Variants in ZNF486 observed in about 807,000 individuals in gnomAD.
ZNF486 encodes the protein zinc finger protein 486.
In ZNF486, 12 loss-of-function variants were observed where a neutral mutation model predicts 12.8. That is an observed-to-expected ratio of 0.94 (90% CI 0.60 to 1.52). The LOEUF (loss-of-function observed/expected upper bound fraction) is 1.52. ZNF486 is among the 40% of genes most tolerant of loss of function. ZNF486 has a pLI of 0.00. For synonymous variants in ZNF486, 231 were observed against 184.9 expected, an observed-to-expected ratio of 1.25 and a Z score of -2.02; for missense variants, 738 against 545.0, an observed-to-expected ratio of 1.35 and a Z score of -3.53.
intron 3 of ZNF486, among the ~76,000 whole-genome samples, chr19:20,195,622 T>C (rs2089950705): frequency 6.6e-6 from 1 of 152,240 alleles, no homozygotes; most frequent in Admixed American, 6.5e-5. Flanking sequence ...AGCTACCTGT[T>C]ACAATCTTTA....
chr19:20,181,317 A>C (rs1289077724), intron 1 of ZNF486, among the ~76,000 whole-genome samples: 1 of 152,130 alleles, frequency 6.6e-6, no homozygotes, highest in Non-Finnish European at 1.5e-5. Flanking sequence ...AGGCGGGCAG[A>C]TCATGAGGTC....
intron 1 of ZNF486, among the ~76,000 whole-genome samples, chr19:20,171,344 C>T (rs573575648): frequency 6.6e-6 from 1 of 152,324 alleles, no homozygotes; most frequent in African/African-American, 2.4e-5. Context: ...TTTATTGCAG[C>T]TATCACCACG....
chr19:20,171,461 AGTGTTTCTT>A (rs1286838580), intron 1 of ZNF486, among the ~76,000 whole-genome samples: 46 of 152,308 alleles, frequency 3.0e-4, no homozygotes, highest in African/African-American at 9.1e-4. Context: ...TTTTGATCCT[AGTGTTTCTT>A]GTGTTTCTTG....
chr19:20,188,654 CA>C (rs781882089), intron 3 of ZNF486: 14 of 390,062 alleles, frequency 3.6e-5, no homozygotes, highest in Non-Finnish European at 5.9e-5. Context: ...CTCCAAAAAA[CA>C]AAAAAAAGCT....
rs577940216 is a variant in ZNF486, at chr19:20,189,363, C to T, written c.253+3281C>T. 5.3e-5 allele frequency among the ~76,000 whole-genome samples: 8 copies of T among 152,270 alleles called. No individual in the cohort carries two copies. The East Asian group carries it at 1.2e-3, about 22-fold the overall frequency. ...AGGATTACAGGCTTGAGCACCTGGG[C>T]CTGGCCTGTGTTACGTATTTTGTAA... On this transcript the variant is annotated intron_variant, in intron 3 of 3. Coordinates refer to ENST00000335117, the MANE Select transcript of ZNF486 (RefSeq NM_052852.4).
At position 20,199,216 on chromosome 19, in the gene ZNF486, G is replaced by A. The variant is rs1040224471; in HGVS notation, c.*1114G>A. 16 of 152,100 alleles carry A rather than the reference G, an allele frequency of 1.1e-4. 1 individual carries two copies. Among genetic ancestry groups the A allele is most frequent in the Admixed American group, 1.0e-3 (16 of 15,250 alleles). The allele number at this position is 152,100 out of a possible 1,614,324, so 9.4% of individuals were successfully genotyped here. On this transcript the variant is annotated 3_prime_UTR_variant, in exon 4 of 4. Coordinates refer to ENST00000335117, the MANE Select transcript of ZNF486 (RefSeq NM_052852.4). ...CAATTACTGTGACAAAAATCTTTCAGAAAATATAAGCCTTTAAGGTGAAGA... is the reference window on the plus strand; with the variant it reads ...CAATTACTGTGACAAAAATCTTTCAAAAAATATAAGCCTTTAAGGTGAAGA...
At chr19:20,179,155 G>A (rs1241142833) in intron 1 of ZNF486, among the ~76,000 whole-genome samples, 1 of 152,162 alleles carries the variant, frequency 6.6e-6, no homozygotes, top group Non-Finnish European at 1.5e-5. Flanking sequence ...CACTTTGAAC[G>A]ATGTATTCAT....
intron 1 of ZNF486, among the ~76,000 whole-genome samples, chr19:20,170,742 T>C (rs1275886680): frequency 1.3e-5 from 2 of 152,182 alleles, no homozygotes; most frequent in Non-Finnish European, 2.9e-5. Context: ...TTTTCTGGAG[T>C]ACACAACAAA....
chr19:20,195,533 T>C (rs2089949876), intron 3 of ZNF486, among the ~76,000 whole-genome samples: 1 of 152,214 alleles, frequency 6.6e-6, no homozygotes, highest in East Asian at 1.9e-4. Context: ...TTGAAAAGTT[T>C]ATAATTTTTT....
chr19:20,188,285 T>A (rs1174759063), intron 3 of ZNF486: 3 of 393,774 alleles, frequency 7.6e-6, no homozygotes, highest in Non-Finnish European at 1.3e-5. Flanking sequence ...GATTTGAAGG[T>A]AATTTTCAAA....
At chr19:20,175,350 T>TTTTTTTTTTTTTTTTA (rs1296618035) in intron 1 of ZNF486, 1 of 142,070 alleles carries the variant, frequency 7.0e-6, no homozygotes, top group Non-Finnish European at 1.5e-5. Context: ...TTTTTTTTTT[T>TTTTTTTTTTTTTTTTA]ATTGATCATT....
chr19:20,175,942 C>T (rs11879806), intron 1 of ZNF486, among the ~76,000 whole-genome samples: 11,711 of 149,064 alleles, frequency 0.079, 704 homozygotes, highest in African/African-American at 0.17. Flanking sequence ...CCGGATGGGG[C>T]GGCTGGCCGG....
At chr19:20,168,474 G>A (rs1002864266) in intron 1 of ZNF486, among the ~76,000 whole-genome samples, 2 of 151,954 alleles carry the variant, frequency 1.3e-5, no homozygotes, top group African/African-American at 2.4e-5. Context: ...GACTAACATG[G>A]AGAAACCCTG....
rs559357539 is a variant in ZNF486, at chr19:20,181,543, C to CAAAACA, written c.31-2809_31-2808insCAAAAA. Among the ~76,000 whole-genome samples, 404 of 127,990 alleles carry CAAAACA rather than the reference C, an allele frequency of 3.2e-3. 5 individuals are homozygous for CAAAACA. The highest frequency in any genetic ancestry group is 0.01 in the African/African-American group (378 of 37,622). The allele number at this position is 127,990 out of a possible 152,430, so 84.0% of individuals were successfully genotyped here. A position where few individuals can be genotyped will look rare whatever the true frequency, so the allele number is the denominator to read the frequency against. ...GGCAGCGAGACTCCATCTCAAAAAA[C>CAAAACA]AAAAAAAAAAAAAGGGAAAAATAAA... On this transcript the variant is annotated intron_variant, in intron 1 of 3. Coordinates refer to ENST00000335117, the MANE Select transcript of ZNF486 (RefSeq NM_052852.4).
Position 20,184,461 on chromosome 19 carries a change from T to C in ZNF486, c.136T>C (p.Tyr46His), listed in dbSNP as rs1029954009. 4 of 1,612,420 alleles carry C rather than the reference T, an allele frequency of 2.5e-6. No individual in the cohort carries two copies. In the South Asian group the frequency reaches 4.4e-5, roughly 18 times the overall value. Residue 46 changes from tyrosine to histidine, a missense_variant, in exon 2 of 4, where the codon TAC becomes CAC. Physicochemically the swap from Tyr to His is moderately conservative, Grantham distance 83 (BLOSUM62 2). Transcript: ENST00000335117. ...ATATAGGGATGTGATGTTAGAGAAC[T>C]ACAGACACCTGGTCTTCCTTGGTGA... ...NLYRDVMLEN[Y>H]RHLVFLGIIV...
At chr19:20,186,104 C>T (rs782760154) in intron 3 of ZNF486, 22 bp downstream of exon 3, 5 of 1,550,492 alleles carry the variant, frequency 3.2e-6, no homozygotes, top group Non-Finnish European at 4.3e-6. Flanking sequence ...TGAAAATGAA[C>T]ACAACAGACA....
chr19:20,199,828 C>T lies in ZNF486; in HGVS notation c.*1726C>T, dbSNP rs1052394711. The T allele has an allele frequency of 9.2e-5, 14 of 152,210 alleles. No homozygotes were observed. The highest frequency in any genetic ancestry group is 8.3e-4 in the South Asian group (4 of 4,824). The allele number at this position is 152,210 out of a possible 1,614,324, so 9.4% of individuals were successfully genotyped here. ...TGGTGGCTCATGCCTGTAATCCCAACACTTTGGGAGGCCAAGGCAGGTGGA... is the reference window on the plus strand; with the variant it reads ...TGGTGGCTCATGCCTGTAATCCCAATACTTTGGGAGGCCAAGGCAGGTGGA... On this transcript the variant is annotated 3_prime_UTR_variant, in exon 4 of 4. Coordinates refer to ENST00000335117, the MANE Select transcript of ZNF486 (RefSeq NM_052852.4).
chr19:20,178,543 A>C (rs988304262), intron 1 of ZNF486, among the ~76,000 whole-genome samples: 1 of 152,086 alleles, frequency 6.6e-6, no homozygotes, highest in African/African-American at 2.4e-5. Flanking sequence ...CGCCTGGCCA[A>C]AGAAAATTGT....
rs1555718099 is a variant in ZNF486, at chr19:20,197,047, G to T, written c.337G>T (p.Glu113Ter). The T allele has an allele frequency of 6.2e-7, 1 of 1,610,746 alleles. No individual in the cohort carries two copies. Among genetic ancestry groups the T allele is most frequent in the African/African-American group, 1.3e-5 (1 of 74,676 alleles). ...SYQKVILRKF[E>*]KCGHGNLHFK... ...CCAAAAAGTGATACTGAGAAAATTT[G>T]AAAAATGTGGACATGGCAATTTACA... The change falls in exon 4 of 4, where the codon GAA (glutamate) becomes TAA (stop). Residue 113 changes from glutamate to a stop codon, truncating the protein, a stop_gained. Coordinates refer to ENST00000335117, the MANE Select transcript of ZNF486 (RefSeq NM_052852.4). LOFTEE classifies it low-confidence loss of function (END_TRUNC).
Sources: gnomAD v4.1 joint callset for allele counts (sites outside exome capture counted in the v4.1 genomes callset) on GRCh38, gnomAD v4.1.1 for gene constraint, MANE v1.5 for transcripts, NCBI Gene and HGNC (gene_info 2026-07-23, HGNC 2026-07-21) for gene names.